The following TPTE2 variants were observed in gnomAD, a reference collection of about 807,000 sequenced individuals.
TPTE2 encodes the protein phosphatidylinositol 3,4,5-trisphosphate 3-phosphatase TPTE2.
In TPTE2, 53 loss-of-function variants were observed where a neutral mutation model predicts 78.6. That is an observed-to-expected ratio of 0.67 (90% CI 0.54 to 0.85). The LOEUF (loss-of-function observed/expected upper bound fraction) is 0.85, where lower values mean the gene tolerates loss of function less well. Ranked by LOEUF, TPTE2 falls within the 40% of genes least tolerant of loss-of-function variation. The pLI is 0.00. For missense variants in TPTE2, 461 were observed against 623.0 expected, an observed-to-expected ratio of 0.74 and a Z score of 2.77; for synonymous variants, 175 against 206.2, an observed-to-expected ratio of 0.85 and a Z score of 1.30.
At chr13:19,452,773 A>G (rs1473096918) in intron 10 of TPTE2, among the ~76,000 whole-genome samples, 4 of 152,054 alleles carry the variant, frequency 2.6e-5, no homozygotes, top group African/African-American at 7.2e-5. Flanking sequence ...AAAAATATTC[A>G]TACTCTTAGC....
upstream of TPTE2, among the ~76,000 whole-genome samples, chr13:19,507,646 C>T (rs1355603979): frequency 1.3e-5 from 2 of 152,184 alleles, no homozygotes; most frequent in East Asian, 1.9e-4. Flanking sequence ...CAACAAACTG[C>T]AAGCTAACCC....
chr13:19,498,443 A>T (rs559573520), intron 1 of TPTE2, among the ~76,000 whole-genome samples: 4 of 152,172 alleles, frequency 2.6e-5, no homozygotes, highest in Non-Finnish European at 5.9e-5. Context: ...GACTAACAGC[A>T]GATCTCTCGG....
intron 19 of TPTE2, 88 bp from the exon 23 acceptor site, chr13:19,423,252 CA>C (rs202181879): frequency 3.4e-4 from 321 of 952,436 alleles, no homozygotes; most frequent in African/African-American, 1.3e-3. Context: ...CTGGAAGAAA[CA>C]AAAAAAAACC....
intron 4 of TPTE2, among the ~76,000 whole-genome samples, chr13:19,479,867 G>T (rs1400812684): frequency 6.6e-6 from 1 of 151,826 alleles, no homozygotes; most frequent in Non-Finnish European, 1.5e-5. Flanking sequence ...GGAGGCTGAG[G>T]CAGGAGAATC....
chr13:19,477,717 C>T (rs1031435622), intron 4 of TPTE2, among the ~76,000 whole-genome samples: 6 of 152,074 alleles, frequency 3.9e-5, no homozygotes, highest in Non-Finnish European at 8.8e-5. Flanking sequence ...TGGCTTTAGC[C>T]CCTTAATCTG....
chr13:19,521,146 T>C (rs1870120206), intron 1 of TPTE2, among the ~76,000 whole-genome samples: 1 of 152,032 alleles, frequency 6.6e-6, no homozygotes, highest in Admixed American at 6.5e-5. Context: ...TTACATTTTC[T>C]TATTGATTTT....
At chr13:19,444,375 C>T (rs1218004784) in intron 13 of TPTE2, among the ~76,000 whole-genome samples, 10 of 106,572 alleles carry the variant, frequency 9.4e-5, no homozygotes, top group Non-Finnish European at 4.0e-5. Context: ...AGGAAAGTTG[C>T]TAATTGCAAG....
intron 1 of TPTE2, among the ~76,000 whole-genome samples, chr13:19,498,796 C>A (rs926813348): frequency 3.3e-5 from 5 of 151,536 alleles, no homozygotes; most frequent in Admixed American, 2.0e-4. Flanking sequence ...TCACACATAA[C>A]AATATTAACT....
intron 14 of TPTE2, among the ~76,000 whole-genome samples, chr13:19,437,816 ATTTAT>A (rs1877209625): frequency 6.6e-6 from 1 of 152,174 alleles, no homozygotes; most frequent in Non-Finnish European, 1.5e-5. Flanking sequence ...CATTAAAATT[ATTTAT>A]TTTAATTATT....
intron 1 of TPTE2, among the ~76,000 whole-genome samples, chr13:19,534,245 T>C (rs1311348324): frequency 6.6e-6 from 1 of 152,168 alleles, no homozygotes; most frequent in African/African-American, 2.4e-5. Context: ...ATCCTGAACA[T>C]GAGAAACAGA....
At chr13:19,548,457 T>C in the TPTE2 span, among the ~76,000 whole-genome samples, 9 of 151,952 alleles carry the variant, frequency 5.9e-5, no homozygotes, top group Non-Finnish European at 1.3e-4. Context: ...TTTGAACTTA[T>C]CTCACTGTTC....
chr13:19,515,411 T>A (rs901087206), intron 1 of TPTE2, among the ~76,000 whole-genome samples: 1 of 152,208 alleles, frequency 6.6e-6, no homozygotes, highest in Non-Finnish European at 1.5e-5. Context: ...CTACACAAAC[T>A]AATTTTGGAC....
chr13:19,468,421 T>C (rs1416472206), intron 6 of TPTE2, among the ~76,000 whole-genome samples: 2 of 152,184 alleles, frequency 1.3e-5, no homozygotes, highest in Admixed American at 6.5e-5. Flanking sequence ...CATCTGTTGA[T>C]GGACACTTAG....
chr13:19,467,290 C>T (rs1242807295), exon 7 of TPTE2: 1 of 1,588,338 alleles, frequency 6.3e-7, no homozygotes, highest in African/African-American at 1.4e-5. Context: ...GCAGAGGAAT[C>T]ACAATAATGG....
chr13:19,492,601 G>T (rs1193233122), intron 3 of TPTE2, among the ~76,000 whole-genome samples: 2 of 152,154 alleles, frequency 1.3e-5, no homozygotes, highest in Non-Finnish European at 2.9e-5. Context: ...ATGCTACAAT[G>T]AGAAGAATTG....
At chr13:19,424,040 T>C (rs898913741) in intron 19 of TPTE2, among the ~76,000 whole-genome samples, 1 of 152,220 alleles carries the variant, frequency 6.6e-6, no homozygotes, top group African/African-American at 2.4e-5. Flanking sequence ...GCATTGCAAG[T>C]GTGTAGACCA....
chr13:19,495,748 G>A (rs1270803725), intron 1 of TPTE2, among the ~76,000 whole-genome samples: 1 of 152,202 alleles, frequency 6.6e-6, no homozygotes, highest in Non-Finnish European at 1.5e-5. Context: ...CATACACAGG[G>A]CACTGCCAAA....
intron 4 of TPTE2, among the ~76,000 whole-genome samples, chr13:19,475,898 C>T (rs1251621321): frequency 1.3e-5 from 2 of 152,132 alleles, no homozygotes; most frequent in Non-Finnish European, 2.9e-5. Context: ...CAATACTAAA[C>T]TTAAACTTGT....
intron 1 of TPTE2, among the ~76,000 whole-genome samples, chr13:19,499,785 G>T (rs1208062111): frequency 6.7e-6 from 1 of 148,324 alleles, no homozygotes; most frequent in East Asian, 2.0e-4. Context: ...CAGAAGGCAA[G>T]AAATAACTAA....
Sources: allele counts gnomAD v4.1 joint callset (sites outside exome capture counted in the v4.1 genomes callset), GRCh38; gene constraint gnomAD v4.1.1; transcripts MANE v1.5; gene names NCBI Gene and HGNC (gene_info 2026-07-23, HGNC 2026-07-21).